The following RCOR1 variants were observed in gnomAD, a reference collection of about 807,000 sequenced individuals.
RCOR1 encodes the protein REST corepressor.
RCOR1 carries 12 observed loss-of-function variants against 64.0 expected under a neutral mutation model. The ratio of observed to expected loss-of-function variants is 0.19; its 90% CI spans 0.12 to 0.30. RCOR1 has a LOEUF of 0.30. RCOR1 is among the 10% of genes least tolerant of loss of function. RCOR1 has a pLI of 1.00. For synonymous variants in RCOR1, 279 were observed against 227.2 expected, an observed-to-expected ratio of 1.23 and a Z score of -2.05; for missense variants, 502 against 621.2, an observed-to-expected ratio of 0.81 and a Z score of 2.04.
chr14:102,707,801 T>C (rs557953805), intron 5 of RCOR1, among the ~76,000 whole-genome samples: 1 of 151,728 alleles, frequency 6.6e-6, no homozygotes, highest in South Asian at 2.1e-4. Context: ...GAAGGACTTT[T>C]TTTTTTTAGA....
intron 4 of RCOR1, among the ~76,000 whole-genome samples, chr14:102,703,072 C>T (rs1419368650): frequency 6.6e-6 from 1 of 152,120 alleles, no homozygotes; most frequent in African/African-American, 2.4e-5. Flanking sequence ...ACCCTAAACA[C>T]TTGAAATGAA....
At chr14:102,704,209 G>T (rs530325926) in intron 4 of RCOR1, among the ~76,000 whole-genome samples, 33 of 152,246 alleles carry the variant, frequency 2.2e-4, no homozygotes, top group African/African-American at 7.7e-4. Context: ...ACCCAATCCT[G>T]TACTCTTCTC....
chr14:102,692,772 T>TTC (rs1555466559), intron 3 of RCOR1, among the ~76,000 whole-genome samples: 1 of 136,390 alleles, frequency 7.3e-6, no homozygotes, highest in Non-Finnish European at 1.6e-5. Flanking sequence ...CTTTTTCTTT[T>TTC]TTTTTTTTTT....
intron 10 of RCOR1, 82 bp downstream of exon 10, chr14:102,721,459 C>T (rs1896166931): frequency 5.8e-6 from 6 of 1,029,896 alleles, no homozygotes; most frequent in Admixed American, 1.9e-5. Flanking sequence ...GGAAGGTTGA[C>T]GCATTTGCTT....
chr14:102,679,180 C>A (rs150270447), intron 2 of RCOR1, among the ~76,000 whole-genome samples: 11 of 152,242 alleles, frequency 7.2e-5, no homozygotes, highest in Non-Finnish European at 1.3e-4. Context: ...TATCTAAGAT[C>A]TCCTTTCCCA....
intron 8 of RCOR1, among the ~76,000 whole-genome samples, chr14:102,716,065 GGTA>G (rs549967352): frequency 1.3e-3 from 199 of 152,248 alleles, no homozygotes; most frequent in African/African-American, 4.5e-3. Flanking sequence ...GCCATATTTT[GGTA>G]GTCTTAAATT....
intron 2 of RCOR1, among the ~76,000 whole-genome samples, chr14:102,599,125 T>A (rs1893330908): frequency 6.6e-6 from 1 of 151,610 alleles, no homozygotes; most frequent in Non-Finnish European, 1.5e-5. Flanking sequence ...AATGTTTTTC[T>A]TTCCTTTTTT....
At chr14:102,608,652 C>T (rs186077819) in intron 2 of RCOR1, among the ~76,000 whole-genome samples, 1 of 152,126 alleles carries the variant, frequency 6.6e-6, no homozygotes, top group Non-Finnish European at 1.5e-5. Flanking sequence ...CCAGGCTGGT[C>T]TTGAGCTCCC....
chr14:102,700,696 C>G (rs1895739637), intron 3 of RCOR1, among the ~76,000 whole-genome samples: 1 of 152,198 alleles, frequency 6.6e-6, no homozygotes, highest in Non-Finnish European at 1.5e-5. Flanking sequence ...ATCTCATCAC[C>G]AGGTGATACT....
At chr14:102,647,674 ATTTATTTAT>A (rs1226442523) in intron 2 of RCOR1, among the ~76,000 whole-genome samples, 2 of 151,806 alleles carry the variant, frequency 1.3e-5, no homozygotes, top group African/African-American at 4.8e-5. Context: ...CTTTATTTTT[ATTTATTTAT>A]TTTATTTATT....
rs771344938 is a variant in RCOR1 at position 102,722,179 on chromosome 14, A to C, written c.1190-8A>C. On this transcript the variant is annotated splice_region_variant and splice_polypyrimidine_tract_variant and intron_variant, in intron 10 of 11. Coordinates refer to ENST00000262241, the MANE Select transcript of RCOR1 (RefSeq NM_015156.4). ...TGTATTTTAAAAAATGCTTTCTTAC[A>C]TCCTTAGCCATCAGGAAATATGGCC... 5.0e-6 allele frequency: 8 copies of C among 1,607,012 alleles called. No individual in the cohort carries two copies. The highest frequency in any genetic ancestry group is 6.8e-6 in the Non-Finnish European group (8 of 1,173,942).
chr14:102,641,116 T>A (rs1251655133), intron 2 of RCOR1, among the ~76,000 whole-genome samples: 1 of 151,612 alleles, frequency 6.6e-6, no homozygotes, highest in Non-Finnish European at 1.5e-5. Flanking sequence ...TTAGCTGGGC[T>A]TGGTGGCGCG....
chr14:102,597,444 G>A (rs919014017), intron 2 of RCOR1, among the ~76,000 whole-genome samples: 24 of 151,092 alleles, frequency 1.6e-4, no homozygotes, highest in Admixed American at 6.6e-4. Flanking sequence ...TCCTCCTGCT[G>A]CAGCCTCCTG....
intron 2 of RCOR1, chr14:102,655,100 C>T (rs1018793649): frequency 2.0e-5 from 7 of 358,358 alleles, no homozygotes; most frequent in Admixed American, 6.8e-5. Context: ...CATTCACCAC[C>T]GCGGACAACC....
intron 2 of RCOR1, chr14:102,651,106 ATGTT>A: frequency 2.0e-6 from 2 of 984,432 alleles, no homozygotes; most frequent in African/African-American, 1.7e-5. Flanking sequence ...ATTTGACAGT[ATGTT>A]TGGTGCTGAG....
At chr14:102,662,593 C>CTTT in intron 2 of RCOR1, 1 of 403,056 alleles carries the variant, frequency 2.5e-6, no homozygotes, top group Non-Finnish European at 4.8e-6. Flanking sequence ...ATGTGTGGAT[C>CTTT]TTTTTTTTTT....
chr14:102,601,746 T>C (rs922356101), intron 2 of RCOR1, among the ~76,000 whole-genome samples: 1 of 152,202 alleles, frequency 6.6e-6, no homozygotes, highest in African/African-American at 2.4e-5. Flanking sequence ...TAGAGTAGCC[T>C]AGCCTTGGTA....
chr14:102,615,188 G>C (rs1893732578), intron 2 of RCOR1, among the ~76,000 whole-genome samples: 1 of 138,578 alleles, frequency 7.2e-6, no homozygotes, highest in South Asian at 2.3e-4. Context: ...CTGGAGTGCA[G>C]TGTTAACGAT....
intron 2 of RCOR1, among the ~76,000 whole-genome samples, chr14:102,594,625 T>C (rs1957568): frequency 0.016 from 2,405 of 152,270 alleles, 21 homozygotes; most frequent in Non-Finnish European, 0.024. Context: ...TTTAAGTCCA[T>C]GTTAGTGTTT....
Sources: allele counts gnomAD v4.1 joint callset (sites outside exome capture counted in the v4.1 genomes callset), GRCh38; gene constraint gnomAD v4.1.1; transcripts MANE v1.5; gene names NCBI Gene and HGNC (gene_info 2026-07-23, HGNC 2026-07-21).